Variants in EFNA5 observed in about 807,000 individuals in gnomAD.
EFNA5 encodes ephrin A5.
EFNA5 carries 5 observed loss-of-function variants against 22.9 expected under a neutral mutation model. That is an observed-to-expected ratio of 0.22 (90% CI 0.11 to 0.46). The LOEUF is 0.46. EFNA5 is among the 20% of genes least tolerant of loss of function. The pLI is 0.99. For missense variants in EFNA5, 237 were observed against 293.3 expected, an observed-to-expected ratio of 0.81 and a Z score of 1.40; for synonymous variants, 113 against 112.2, an observed-to-expected ratio of 1.01 and a Z score of -0.04.
At chr5:107,562,403 T>C (rs1024269257) in intron 1 of EFNA5, among the ~76,000 whole-genome samples, 1 of 152,096 alleles carries the variant, frequency 6.6e-6, no homozygotes, top group Non-Finnish European at 1.5e-5. Flanking sequence ...ATTTTTAAGC[T>C]TATATTTTTT....
chr5:107,589,080 G>C (rs1264761405), intron 1 of EFNA5, among the ~76,000 whole-genome samples: 1 of 152,204 alleles, frequency 6.6e-6, no homozygotes, highest in Non-Finnish European at 1.5e-5. Flanking sequence ...GTGAAACCCA[G>C]TCTAGAGACT....
chr5:107,665,330 G>A (rs1751044176), intron 1 of EFNA5, among the ~76,000 whole-genome samples: 1 of 152,118 alleles, frequency 6.6e-6, no homozygotes, highest in South Asian at 2.1e-4. Context: ...CTGTTCAGAA[G>A]GTATTCTGCA....
Position 107,421,153 on chromosome 5 carries a change from T to A in EFNA5, c.418+6064A>T, listed in dbSNP as rs1324416489. The stretch of plus-strand genomic sequence containing the variant: ...TTACTTTGTTTTAAAAATTGTACAG[T>A]GAATATTAAAATTGCCTCATGGCTT... On this transcript the variant is annotated intron_variant, in intron 2 of 4. Transcript: ENST00000333274. 3.9e-5 allele frequency among the ~76,000 whole-genome samples: 6 copies of A among 152,192 alleles called. No homozygotes were observed. In the East Asian group the frequency reaches 1.2e-3, roughly 29 times the overall value.
chr5:107,445,166 G>T (rs1377127402), intron 1 of EFNA5, among the ~76,000 whole-genome samples: 1 of 152,030 alleles, frequency 6.6e-6, no homozygotes, highest in Non-Finnish European at 1.5e-5. Flanking sequence ...TGGATTACAG[G>T]CATCCACCGT....
At chr5:107,448,597 G>A (rs1476710956) in intron 1 of EFNA5, among the ~76,000 whole-genome samples, 1 of 152,050 alleles carries the variant, frequency 6.6e-6, no homozygotes, top group Non-Finnish European at 1.5e-5. Flanking sequence ...TTGGAAGGCT[G>A]AGGCGGGCGG....
intron 2 of EFNA5, among the ~76,000 whole-genome samples, chr5:107,414,558 A>C (rs938835775): frequency 6.6e-6 from 1 of 152,170 alleles, no homozygotes; most frequent in African/African-American, 2.4e-5. Flanking sequence ...ATAATATGTA[A>C]TACTGAAGTG....
At chr5:107,559,603 C>T (rs1240243416) in intron 1 of EFNA5, among the ~76,000 whole-genome samples, 2 of 152,136 alleles carry the variant, frequency 1.3e-5, no homozygotes, top group African/African-American at 4.8e-5. Context: ...TCACTACATA[C>T]ATGAAGTTTT....
In EFNA5 at chr5:107,662,777, A is replaced by G. The variant is rs1324521450; in HGVS notation, c.125+7712T>C. 3.1e-5 allele frequency among the ~76,000 whole-genome samples: 4 copies of G among 130,358 alleles called. No homozygotes were observed. In the Admixed American group the frequency reaches 3.3e-4, roughly 11 times the overall value. 85.5% of individuals were successfully genotyped at this position (130,358 alleles called of 152,430 possible). On this transcript the variant is annotated intron_variant, in intron 1 of 4. Coordinates refer to ENST00000333274, the MANE Select transcript of EFNA5 (RefSeq NM_001962.3). ...CTTTTGCGGGAGAAAGATTCCGGGT[A>G]GACTTGAGTAATTAAAAAAAAAAAA...
chr5:107,552,241 G>A (rs1748315326), intron 1 of EFNA5, among the ~76,000 whole-genome samples: 1 of 151,886 alleles, frequency 6.6e-6, no homozygotes, highest in African/African-American at 2.4e-5. Context: ...CTAGCTTTAT[G>A]GTAAATGGAA....
chr5:107,568,282 T>C (rs756177724), intron 1 of EFNA5, among the ~76,000 whole-genome samples: 14 of 152,176 alleles, frequency 9.2e-5, no homozygotes, highest in Non-Finnish European at 1.8e-4. Flanking sequence ...AGACCCATTT[T>C]TCTACAGGGG....
chr5:107,473,743 C>T (rs1750208239), intron 1 of EFNA5, among the ~76,000 whole-genome samples: 1 of 149,722 alleles, frequency 6.7e-6, no homozygotes, highest in Non-Finnish European at 1.5e-5. Flanking sequence ...TCACTGCAAC[C>T]TCTGCCTCCC....
At chr5:107,626,579 T>C (rs1750145308) in intron 1 of EFNA5, among the ~76,000 whole-genome samples, 1 of 152,176 alleles carries the variant, frequency 6.6e-6, no homozygotes, top group African/African-American at 2.4e-5. Context: ...CATGCCCAGC[T>C]ATATTTTCTG....
intron 1 of EFNA5, among the ~76,000 whole-genome samples, chr5:107,597,955 C>T (rs1158228811): frequency 1.3e-5 from 2 of 152,120 alleles, no homozygotes; most frequent in African/African-American, 4.8e-5. Context: ...TGTAAGCACA[C>T]TAACATGGAT....
intron 1 of EFNA5, among the ~76,000 whole-genome samples, chr5:107,532,044 T>C (rs1475268916): frequency 6.6e-6 from 1 of 152,196 alleles, no homozygotes; most frequent in East Asian, 1.9e-4. Flanking sequence ...GATGCCCCTT[T>C]CTGAGGAATA....
At chr5:107,404,726 A>T (rs1042909368) in intron 2 of EFNA5, among the ~76,000 whole-genome samples, 7 of 152,192 alleles carry the variant, frequency 4.6e-5, no homozygotes, top group Non-Finnish European at 8.8e-5. Flanking sequence ...AGTATAAATC[A>T]TACTTTTCTT....
chr5:107,461,604 T>C (rs1002944737), intron 1 of EFNA5, among the ~76,000 whole-genome samples: 2 of 152,128 alleles, frequency 1.3e-5, no homozygotes, highest in Non-Finnish European at 2.9e-5. Flanking sequence ...TAAATGAACC[T>C]AGATCAGCTT....
At chr5:107,628,796 A>G (rs1750188577) in intron 1 of EFNA5, among the ~76,000 whole-genome samples, 1 of 152,204 alleles carries the variant, frequency 6.6e-6, no homozygotes, top group African/African-American at 2.4e-5. Flanking sequence ...TATTTAGGAC[A>G]AAGAAAGGTA....
chr5:107,510,269 C>T (rs2112433300), intron 1 of EFNA5, among the ~76,000 whole-genome samples: 1 of 152,286 alleles, frequency 6.6e-6, no homozygotes, highest in East Asian at 1.9e-4. Flanking sequence ...GTTACAAATG[C>T]CATGGCAATG....
At chr5:107,437,953 A>G (rs77651082) in intron 1 of EFNA5, among the ~76,000 whole-genome samples, 3,313 of 152,346 alleles carry the variant, frequency 0.022, 58 homozygotes, top group Middle Eastern at 0.031. Context: ...CCTAAGGCAG[A>G]ATGAAAGTTT....
Sources: gnomAD v4.1 joint callset for allele counts (sites outside exome capture counted in the v4.1 genomes callset) on GRCh38, gnomAD v4.1.1 for gene constraint, MANE v1.5 for transcripts, NCBI Gene and HGNC (gene_info 2026-07-23, HGNC 2026-07-21) for gene names.